Variants in HELQ observed in about 807,000 individuals in gnomAD.
HELQ encodes the protein helicase POLQ-like.
A neutral mutation model predicts 111.6 loss-of-function variants in HELQ; 77 were observed. The observed-to-expected ratio is 0.69, with a 90% CI of 0.57 to 0.83. The LOEUF (loss-of-function observed/expected upper bound fraction) is 0.83. Among genes scored for constraint, HELQ ranks in the 40% least tolerant of loss-of-function variants. HELQ has a pLI of 0.00. For missense variants in HELQ, 1,200 were observed against 1,288.5 expected, an observed-to-expected ratio of 0.93 and a Z score of 1.05; for synonymous variants, 438 against 454.7, an observed-to-expected ratio of 0.96 and a Z score of 0.47.
At chr4:83,454,671 C>T (rs867868242) in intron 1 of HELQ, among the ~76,000 whole-genome samples, 2 of 151,660 alleles carry the variant, frequency 1.3e-5, no homozygotes, top group African/African-American at 2.4e-5. Context: ...AAGTGATCCT[C>T]CCATCTCTGC....
At chr4:83,441,069 T>G (rs1482578177) in intron 7 of HELQ, among the ~76,000 whole-genome samples, 1 of 152,252 alleles carries the variant, frequency 6.6e-6, no homozygotes, top group Non-Finnish European at 1.5e-5. Flanking sequence ...TTACAGCAAC[T>G]GTAAAAACCC....
intron 17 of HELQ, among the ~76,000 whole-genome samples, chr4:83,416,527 A>AT (rs1345650549): frequency 1.3e-5 from 2 of 152,102 alleles, no homozygotes; most frequent in East Asian, 1.9e-4. Flanking sequence ...AATTTTCTTT[A>AT]TTTTTTAGCA....
rs114388211 is a variant in HELQ, at chr4:83,416,994, C to T, written c.3064-129G>A. The T allele has an allele frequency of 4.3e-3, 3,395 of 797,436 alleles. 23 individuals are homozygous for T. Among genetic ancestry groups the T allele is most frequent in the South Asian group, 8.6e-3 (435 of 50,422 alleles). The allele number at this position is 797,436 out of a possible 1,614,324, so 49.4% of individuals were successfully genotyped here. A position where few individuals can be genotyped will look rare whatever the true frequency, so the allele number is the denominator to read the frequency against. On this transcript the variant is annotated intron_variant, in intron 16 of 17. Coordinates refer to ENST00000295488, the MANE Select transcript of HELQ (RefSeq NM_133636.5). Reference sequence around the variant, plus strand: ...ATAAAATAAAGTAAATATGAAGAGACAAGACATGAGAATACTGAGGAATTT... The same window carrying T: ...ATAAAATAAAGTAAATATGAAGAGATAAGACATGAGAATACTGAGGAATTT...
chr4:83,424,115 T>G (rs1719708983), intron 14 of HELQ, among the ~76,000 whole-genome samples: 1 of 152,208 alleles, frequency 6.6e-6, no homozygotes. Flanking sequence ...ATGTCCATAC[T>G]ATTTTAAATA....
At position 83,427,642 on chromosome 4, in the gene HELQ, A is replaced by C. The variant is rs1257300041; in HGVS notation, c.2597T>G (p.Leu866Arg). The C allele has an allele frequency of 6.2e-7, 1 of 1,607,882 alleles. No individual in the cohort carries two copies. The highest frequency in any genetic ancestry group is 1.7e-5 in the Admixed American group (1 of 58,974). ...KGLEGLVLES[L>R]LHLIYLTTPY... ...GGTTGTTAGGTAGATTAGATGAAGA[A>C]GGCTTTCAAGCACAAGTCCTTCAAG... Residue 866 changes from leucine (L) to arginine (R), a missense_variant, in exon 13 of 18, where the codon CTT becomes CGT. Around this residue, in one of 3 missense-constraint regions of HELQ, gnomAD observed 585 missense variants for 665.3 expected, o/e 0.88. Coordinates refer to ENST00000295488, the MANE Select transcript of HELQ (RefSeq NM_133636.5).
At position 83,437,915 on chromosome 4, in the gene HELQ, A is replaced by T. The variant is rs1024945285; in HGVS notation, c.1809-818T>A. ...TTGCACTTTAGAAACTTCACATCCT[A>T]CAATGTTTCCATCACTTAGCCAGTG... On this transcript the variant is annotated intron_variant, in intron 8 of 17. Transcript: ENST00000295488. 2.0e-5 allele frequency among the ~76,000 whole-genome samples: 3 copies of T among 152,188 alleles called. No individual in the cohort carries two copies. In the South Asian group the frequency reaches 6.2e-4, roughly 31 times the overall value.
At chr4:83,413,880 G>C (rs1432436440) in intron 17 of HELQ, among the ~76,000 whole-genome samples, 3 of 152,198 alleles carry the variant, frequency 2.0e-5, no homozygotes, top group African/African-American at 7.2e-5. Flanking sequence ...TGAGTCACCT[G>C]GGTCATCCAG....
At chr4:83,420,475 C>T (rs143834529) in intron 15 of HELQ, among the ~76,000 whole-genome samples, 749 of 151,994 alleles carry the variant, frequency 4.9e-3, no homozygotes, top group Middle Eastern at 0.027. Context: ...CCCCGCCCAC[C>T]CTTTGCACAA....
Position 83,436,380 on chromosome 4 carries a change from T to C in HELQ, c.2048+478A>G, listed in dbSNP as rs112946569. ...TAGCAAAATACCCCATGATCATAAA[T>C]TATAAAGGGGAGAAGTCAATTACAC... On this transcript the variant is annotated intron_variant, in intron 9 of 17. Transcript: ENST00000295488. Among the ~76,000 whole-genome samples the C allele has an allele frequency of 4.7e-3, 720 of 152,180 alleles. 8 individuals are homozygous for C. The highest frequency in any genetic ancestry group is 0.017 in the African/African-American group (686 of 41,540).
intron 8 of HELQ, among the ~76,000 whole-genome samples, chr4:83,437,454 T>A (rs1172048136): frequency 1.3e-5 from 2 of 151,652 alleles, no homozygotes; most frequent in Non-Finnish European, 2.9e-5. Context: ...CTACAAAAAA[T>A]AACAAAAATT....
intron 17 of HELQ, among the ~76,000 whole-genome samples, chr4:83,408,393 C>T (rs975462036): frequency 1.3e-5 from 2 of 152,066 alleles, no homozygotes; most frequent in South Asian, 2.1e-4. Flanking sequence ...GCTGGGACTA[C>T]AGGCATGCAC....
chr4:83,455,480 G>C lies in HELQ; in HGVS notation c.214C>G (p.Pro72Ala), dbSNP rs371456738. Residue 72 changes from proline (P) to alanine (A), a missense_variant, in exon 1 of 18, where the codon CCG becomes GCG. Transcript: ENST00000295488. Reference sequence around the variant, plus strand: ...CCACCTCCAAGGACGAGACATTCCGGGGAATCTGAGAGTAGAAGGGGCTGT... The same window carrying C: ...CCACCTCCAAGGACGAGACATTCCGCGGAATCTGAGAGTAGAAGGGGCTGT... The part of the protein sequence containing the change: ...EVQPLLLSDS[P>A]ECLVLGGGDT... The C allele has an allele frequency of 4.3e-6, 7 of 1,614,056 alleles. No homozygotes were observed. Among genetic ancestry groups the C allele is most frequent in the Non-Finnish European group, 5.9e-6 (7 of 1,180,044 alleles).
At chr4:83,430,881 G>A (rs1291603168) in intron 11 of HELQ, among the ~76,000 whole-genome samples, 1 of 151,382 alleles carries the variant, frequency 6.6e-6, no homozygotes, top group Non-Finnish European at 1.5e-5. Context: ...CACTGGGGGT[G>A]GAAGAGTGCA....
In HELQ at chr4:83,427,727, G is replaced by A. The variant is rs1421304269; in HGVS notation, c.2519-7C>T. The stretch of plus-strand genomic sequence containing the variant: ...TAAGCTAAATCTATAGTTCCTAAAA[G>A]AAAGATACAAATATTCAATCTTTCA... On this transcript the variant is annotated splice_polypyrimidine_tract_variant and splice_region_variant and intron_variant, in intron 12 of 17. Transcript: ENST00000295488. 1 of 1,507,112 alleles carries A rather than the reference G, an allele frequency of 6.6e-7. No homozygotes were observed. Among genetic ancestry groups the A allele is most frequent in the South Asian group, 1.3e-5 (1 of 76,318 alleles). 93.4% of individuals were successfully genotyped at this position (1,507,112 alleles called of 1,614,324 possible).
chr4:83,436,329 A>G (rs1279660696), intron 9 of HELQ, among the ~76,000 whole-genome samples: 2 of 152,184 alleles, frequency 1.3e-5, no homozygotes, highest in Admixed American at 1.3e-4. Flanking sequence ...ACACTCATGG[A>G]AAGTTTATAA....
chr4:83,409,611 T>A (rs1205654468), intron 17 of HELQ, among the ~76,000 whole-genome samples: 1 of 150,566 alleles, frequency 6.6e-6, no homozygotes, highest in East Asian at 1.9e-4. Context: ...CTCATAAAAA[T>A]TTCCCTTCCT....
chr4:83,415,194 A>G (rs567003000), intron 17 of HELQ, among the ~76,000 whole-genome samples: 1 of 152,366 alleles, frequency 6.6e-6, no homozygotes, highest in African/African-American at 2.4e-5. Context: ...CAGGGAGCAG[A>G]AGGCAATGGC....
At chr4:83,429,792 G>T in intron 11 of HELQ, 46 bp from the exon 12 acceptor site, 3 of 1,262,546 alleles carry the variant, frequency 2.4e-6, no homozygotes, top group Non-Finnish European at 3.4e-6. Context: ...TTAATTCAAG[G>T]CATCACCTTG....
intron 13 of HELQ, among the ~76,000 whole-genome samples, chr4:83,426,521 T>A (rs1018003500): frequency 1.3e-5 from 2 of 151,884 alleles, no homozygotes; most frequent in Non-Finnish European, 2.9e-5. Flanking sequence ...TTTCCTGTGA[T>A]TAAAAGATGT....
Sources: gnomAD v4.1 joint callset for allele counts (sites outside exome capture counted in the v4.1 genomes callset) on GRCh38, gnomAD v4.1.1 for gene constraint, gnomAD v4.1.1 regional missense constraint, MANE v1.5 for transcripts, NCBI Gene and HGNC (gene_info 2026-07-23, HGNC 2026-07-21) for gene names.